The following GYPC variants were observed in gnomAD, a reference collection of about 807,000 sequenced individuals.
The protein encoded by GYPC is glycophorin C (Gerbich blood group), also known as glycophorin-C.
In GYPC, 14 loss-of-function variants were observed where a neutral mutation model predicts 12.6. That is an observed-to-expected ratio of 1.11 (90% CI 0.74 to 1.74). GYPC has a LOEUF of 1.74. Among genes scored for constraint, GYPC ranks in the 40% most tolerant of loss-of-function variants. The pLI is 0.00. For missense variants in GYPC, 225 were observed against 172.1 expected, an observed-to-expected ratio of 1.31 and a Z score of -1.72; for synonymous variants, 78 against 62.1, an observed-to-expected ratio of 1.26 and a Z score of -1.20.
chr2:126,689,487 G>A (rs1253832091), intron 1 of GYPC, among the ~76,000 whole-genome samples: 2 of 151,514 alleles, frequency 1.3e-5, no homozygotes, highest in East Asian at 3.9e-4. Flanking sequence ...TTCCCAAGGT[G>A]GCAGTGATGG....
rs970662169 is a variant in GYPC at position 126,696,442 on chromosome 2, A to G, written c.*300A>G. 2.5e-6 allele frequency: 1 copy of G among 408,030 alleles called. No individual in the cohort carries two copies. Among genetic ancestry groups the G allele is most frequent in the African/African-American group, 2.0e-5 (1 of 48,924 alleles). The allele number at this position is 408,030 out of a possible 1,614,324, so 25.3% of individuals were successfully genotyped here. Reference sequence around the variant, plus strand: ...GGCCCCCTGGGCAGTGCAGGACAACATCAGCTCACTGGCAGGAAAGTCCTT... The same window carrying G: ...GGCCCCCTGGGCAGTGCAGGACAACGTCAGCTCACTGGCAGGAAAGTCCTT... On this transcript the variant is annotated 3_prime_UTR_variant, in exon 4 of 4. Transcript: ENST00000259254.
chr2:126,694,985 C>G (rs1683597644), intron 3 of GYPC, among the ~76,000 whole-genome samples: 1 of 152,148 alleles, frequency 6.6e-6, no homozygotes, highest in Admixed American at 6.5e-5. Flanking sequence ...GCCCCTCGCA[C>G]AGCCACCACC....
intron 1 of GYPC, chr2:126,658,216 A>T (rs1558876516): frequency 2.0e-5 from 3 of 152,342 alleles, no homozygotes; most frequent in Non-Finnish European, 4.4e-5. Flanking sequence ...ATGAAATTCC[A>T]CCTCAGCCAT....
intron 1 of GYPC, chr2:126,657,816 C>T (rs1682408006): frequency 6.6e-6 from 1 of 152,326 alleles, no homozygotes; most frequent in African/African-American, 2.4e-5. Flanking sequence ...CGGTGCAGCC[C>T]TTGCTTGCAA....
intron 1 of GYPC, among the ~76,000 whole-genome samples, chr2:126,677,106 C>CTG (rs146069694): frequency 6.6e-6 from 1 of 151,940 alleles, no homozygotes; most frequent in Non-Finnish European, 1.5e-5. Context: ...TCCCCTGAGG[C>CTG]TGTGTGTGTG....
intron 1 of GYPC, among the ~76,000 whole-genome samples, chr2:126,677,453 AAG>A (rs1346615852): frequency 6.2e-5 from 9 of 145,264 alleles, no homozygotes; most frequent in African/African-American, 1.0e-4. Context: ...GTGTGTGTAT[AAG>A]AGTGTGACAG....
intron 2 of GYPC, among the ~76,000 whole-genome samples, chr2:126,692,007 C>G (rs1683481913): frequency 6.6e-6 from 1 of 152,140 alleles, no homozygotes; most frequent in Non-Finnish European, 1.5e-5. Flanking sequence ...TTTATATATG[C>G]ATGCATTTAC....
In GYPC at chr2:126,681,854, G is replaced by A. The variant is rs528703933; in HGVS notation, c.50-8401G>A. Among the ~76,000 whole-genome samples the A allele has an allele frequency of 6.6e-5, 10 of 152,258 alleles. 1 individual carries two copies. The East Asian group carries it at 1.9e-3, about 29-fold the overall frequency. On this transcript the variant is annotated intron_variant, in intron 1 of 3. Coordinates refer to ENST00000259254, the MANE Select transcript of GYPC (RefSeq NM_002101.5). ...ACATAGCATTCCTCAAAATGGTCTG[G>A]CCATGAGTATCGTCACTGAGGGGCC...
intron 1 of GYPC, among the ~76,000 whole-genome samples, chr2:126,660,344 G>A (rs144319699): frequency 5.9e-5 from 9 of 152,346 alleles, no homozygotes; most frequent in African/African-American, 1.7e-4. Flanking sequence ...CTGGCTCGGG[G>A]TGGCCCTCGA....
At chr2:126,683,211 C>T (rs1212378809) in intron 1 of GYPC, among the ~76,000 whole-genome samples, 2 of 151,980 alleles carry the variant, frequency 1.3e-5, no homozygotes, top group South Asian at 2.1e-4. Flanking sequence ...CCCAGCTACT[C>T]GGGAGGCTGA....
rs1226550558 is a variant in GYPC at position 126,692,887 on chromosome 2, A to T, written c.107-977A>T. Among the ~76,000 whole-genome samples, 5 of 152,188 alleles carry T rather than the reference A, an allele frequency of 3.3e-5. 1 individual carries two copies. Among genetic ancestry groups the T allele is most frequent in the Admixed American group, 3.3e-4 (5 of 15,274 alleles). On this transcript the variant is annotated intron_variant, in intron 2 of 3. Coordinates refer to ENST00000259254, the MANE Select transcript of GYPC (RefSeq NM_002101.5). ...AGCACTGGCCAAGTCCTGACCTGAT[A>T]TCGGATGAGCTGTGTGATCAAGGGC...
At chr2:126,675,913 C>T (rs1682983719) in intron 1 of GYPC, among the ~76,000 whole-genome samples, 1 of 152,308 alleles carries the variant, frequency 6.6e-6, no homozygotes, top group South Asian at 2.1e-4. Context: ...GTTTATACTT[C>T]CCAAAACAAC....
chr2:126,680,037 C>T (rs1683112654), intron 1 of GYPC: 1 of 152,140 alleles, frequency 6.6e-6, no homozygotes, highest in African/African-American at 2.4e-5. Flanking sequence ...TCCTCACTTC[C>T]ATCCCATGCA....
chr2:126,666,339 T>C (rs1682676648), intron 1 of GYPC, among the ~76,000 whole-genome samples: 1 of 152,218 alleles, frequency 6.6e-6, no homozygotes, highest in Non-Finnish European at 1.5e-5. Context: ...CTTTATTCTG[T>C]GTTAAAGTAC....
intron 2 of GYPC, among the ~76,000 whole-genome samples, chr2:126,692,462 T>C (rs1468931826): frequency 6.6e-6 from 1 of 152,192 alleles, no homozygotes; most frequent in Non-Finnish European, 1.5e-5. Flanking sequence ...AGCACTATAA[T>C]TAAAGTGATT....
intron 1 of GYPC, among the ~76,000 whole-genome samples, chr2:126,681,584 T>C (rs1196485411): frequency 3.9e-5 from 6 of 152,104 alleles, no homozygotes; most frequent in Non-Finnish European, 8.8e-5. Flanking sequence ...GAATCCCACT[T>C]TGACATATCG....
intron 1 of GYPC, among the ~76,000 whole-genome samples, chr2:126,683,723 G>A (rs908503481): frequency 3.3e-5 from 5 of 152,228 alleles, no homozygotes; most frequent in African/African-American, 9.6e-5. Context: ...AGTCACGGCA[G>A]CCTCACTTTC....
chr2:126,677,517 GTC>G (rs1292496851), intron 1 of GYPC, among the ~76,000 whole-genome samples: 2 of 80,528 alleles, frequency 2.5e-5, no homozygotes, highest in Non-Finnish European at 6.3e-5. Flanking sequence ...GTGTGTGTGA[GTC>G]TGTGTGTGTG....
intron 1 of GYPC, chr2:126,686,740 C>A: frequency 1.0e-6 from 1 of 962,834 alleles, no homozygotes; most frequent in Non-Finnish European, 1.2e-6. Flanking sequence ...AAAAATAGGT[C>A]CTCTCATGTC....
Sources: gnomAD v4.1 joint callset for allele counts (sites outside exome capture counted in the v4.1 genomes callset) on GRCh38, gnomAD v4.1.1 for gene constraint, MANE v1.5 for transcripts, NCBI Gene and HGNC (gene_info 2026-07-23, HGNC 2026-07-21) for gene names.